Variants in COBL observed in about 807,000 individuals in gnomAD.
The protein encoded by COBL is cordon-bleu WH2 repeat protein, also known as protein cordon-bleu.
A neutral mutation model predicts 98.8 loss-of-function variants in COBL; 51 were observed. The ratio of observed to expected loss-of-function variants is 0.52; its 90% CI spans 0.41 to 0.65. The LOEUF (loss-of-function observed/expected upper bound fraction) is 0.65. COBL is among the 30% of genes least tolerant of loss of function. COBL has a pLI of 0.00. For missense variants in COBL, 1,617 were observed against 1,617.5 expected (o/e 1.00, Z 0.01); for synonymous variants, 634 against 651.7 (o/e 0.97, Z 0.41).
At chr7:51,297,761 C>T (rs1801553555) in intron 1 of COBL, among the ~76,000 whole-genome samples, 1 of 152,170 alleles carries the variant, frequency 6.6e-6, no homozygotes, top group African/African-American at 2.4e-5. Context: ...GCCCTTGATA[C>T]ATGGAAAAGC....
In COBL at chr7:51,234,351, G is replaced by A. The variant is rs146777213; in HGVS notation, c.42-14407C>T. Among the ~76,000 whole-genome samples the A allele has an allele frequency of 1.5e-3, 229 of 152,292 alleles. 2 individuals are homozygous for A. The highest frequency in any genetic ancestry group is 5.2e-3 in the African/African-American group (218 of 41,562). On this transcript the variant is annotated intron_variant, in intron 1 of 12. Transcript: ENST00000265136. ...CCCACCCTCAGGCACAGCCCTGCCC[G>A]GCAAGGCCAGACCTGGCATCGGGCT...
At chr7:51,096,114 C>A (rs1795250851) in intron 6 of COBL, among the ~76,000 whole-genome samples, 1 of 152,002 alleles carries the variant, frequency 6.6e-6, no homozygotes, top group Non-Finnish European at 1.5e-5. Flanking sequence ...ACATTTAAAG[C>A]CACAAAAGAA....
chr7:51,214,230 C>T (rs1792786846), intron 2 of COBL, among the ~76,000 whole-genome samples: 1 of 151,488 alleles, frequency 6.6e-6, no homozygotes, highest in African/African-American at 2.4e-5. Flanking sequence ...TGTGCCGCCA[C>T]TGCACTGTAG....
intron 7 of COBL, among the ~76,000 whole-genome samples, chr7:51,067,297 A>G (rs1394144496): frequency 6.6e-6 from 1 of 152,264 alleles, no homozygotes; most frequent in Non-Finnish European, 1.5e-5. Flanking sequence ...ATAGATGTGC[A>G]TGTATGCATG....
chr7:51,261,144 A>T (rs761228252), intron 1 of COBL, among the ~76,000 whole-genome samples: 7 of 151,910 alleles, frequency 4.6e-5, no homozygotes, highest in Non-Finnish European at 8.8e-5. Flanking sequence ...TAGATGGCTT[A>T]CTCCTCTCTT....
intron 6 of COBL, among the ~76,000 whole-genome samples, chr7:51,095,144 G>C (rs1338226247): frequency 6.6e-6 from 1 of 152,174 alleles, no homozygotes; most frequent in Non-Finnish European, 1.5e-5. Flanking sequence ...GGGTGGGGAG[G>C]CCTCACAATC....
intron 6 of COBL, among the ~76,000 whole-genome samples, chr7:51,117,674 A>G (rs1242777904): frequency 1.3e-5 from 2 of 152,134 alleles, no homozygotes; most frequent in Non-Finnish European, 2.9e-5. Flanking sequence ...GCTAATTCCA[A>G]CATCTCAGTC....
chr7:51,224,315 T>C (rs1403363015), intron 1 of COBL, among the ~76,000 whole-genome samples: 1 of 152,172 alleles, frequency 6.6e-6, no homozygotes, highest in Non-Finnish European at 1.5e-5. Flanking sequence ...TATACATAGT[T>C]CCTGCTTACA....
At chr7:51,230,508 C>A (rs1238136749) in intron 1 of COBL, among the ~76,000 whole-genome samples, 23 of 152,038 alleles carry the variant, frequency 1.5e-4, no homozygotes, top group Non-Finnish European at 3.2e-4. Context: ...TGACTTCCTG[C>A]TGGCCCCTTC....
intron 1 of COBL, among the ~76,000 whole-genome samples, chr7:51,286,830 T>A (rs1010115049): frequency 6.6e-6 from 1 of 152,172 alleles, no homozygotes; most frequent in African/African-American, 2.4e-5. Context: ...GCAACACTAT[T>A]CACAATAGGA....
At chr7:51,235,368 TCTGAAGGGA>T (rs1795157566) in intron 1 of COBL, among the ~76,000 whole-genome samples, 1 of 152,150 alleles carries the variant, frequency 6.6e-6, no homozygotes, top group Admixed American at 6.5e-5. Context: ...AGGTCAGGGA[TCTGAAGGGA>T]CTGTGTGATG....
At chr7:51,108,956 ACC>A (rs72135470) in intron 6 of COBL, among the ~76,000 whole-genome samples, 1,440 of 28,938 alleles carry the variant, frequency 0.05, 33 homozygotes, top group African/African-American at 0.15. Context: ...ACACACACAC[ACC>A]CCCTGCCCCA....
intron 6 of COBL, among the ~76,000 whole-genome samples, chr7:51,094,950 A>G (rs1795142488): frequency 1.3e-5 from 2 of 152,256 alleles, no homozygotes; most frequent in Admixed American, 1.3e-4. Flanking sequence ...AGAGATTGTT[A>G]TAAGATTTTT....
In COBL at chr7:51,078,850, C is replaced by G. The variant is rs1793346164; in HGVS notation, c.1096+6316G>C. ...ACAAAGGGCCTCAGCGCCTCGCTGGCAGTTGGCTGAAGTCTCCCTCAGCTC... is the reference window on the plus strand; with the variant it reads ...ACAAAGGGCCTCAGCGCCTCGCTGGGAGTTGGCTGAAGTCTCCCTCAGCTC... On this transcript the variant is annotated intron_variant, in intron 7 of 12. Coordinates refer to ENST00000265136, the MANE Select transcript of COBL (RefSeq NM_015198.5). Among the ~76,000 whole-genome samples, 2 of 152,222 alleles carry G rather than the reference C, an allele frequency of 1.3e-5. 1 individual carries two copies. Among genetic ancestry groups the G allele is most frequent in the South Asian group, 4.1e-4 (2 of 4,830 alleles).
chr7:51,162,040 G>C (rs1786871840), intron 5 of COBL, among the ~76,000 whole-genome samples: 1 of 152,194 alleles, frequency 6.6e-6, no homozygotes, highest in Admixed American at 6.5e-5. Flanking sequence ...CTGTTTGTGT[G>C]ACTTAGGAAA....
intron 6 of COBL, among the ~76,000 whole-genome samples, chr7:51,115,364 G>A (rs1269285799): frequency 6.6e-6 from 1 of 151,780 alleles, no homozygotes; most frequent in Non-Finnish European, 1.5e-5. Context: ...GGAATCTTAA[G>A]TCTTTGATTC....
intron 7 of COBL, among the ~76,000 whole-genome samples, chr7:51,078,949 G>C (rs2128931796): frequency 6.6e-6 from 1 of 152,352 alleles, no homozygotes; most frequent in East Asian, 1.9e-4. Context: ...AAGTGAGCGA[G>C]GGTGCCCAAG....
At chr7:51,211,345 G>C (rs775763714) in intron 2 of COBL, among the ~76,000 whole-genome samples, 143 of 152,196 alleles carry the variant, frequency 9.4e-4, no homozygotes, top group Non-Finnish European at 1.9e-3. Flanking sequence ...CTGCCTCTCT[G>C]ACCTGGGTGG....
At chr7:51,160,325 T>C (rs1786663844) in intron 5 of COBL, among the ~76,000 whole-genome samples, 1 of 152,156 alleles carries the variant, frequency 6.6e-6, no homozygotes, top group African/African-American at 2.4e-5. Context: ...AATGGAGAGT[T>C]GAGTGGCCAT....
Sources: allele counts gnomAD v4.1 joint callset (sites outside exome capture counted in the v4.1 genomes callset), GRCh38; gene constraint gnomAD v4.1.1; transcripts MANE v1.5; gene names NCBI Gene and HGNC (gene_info 2026-07-23, HGNC 2026-07-21).